RSF1: variants seen among roughly 807,000 people sequenced by gnomAD.
The protein encoded by RSF1 is remodeling and spacing factor 1, also known as HBV pX-associated protein 8.
Under a neutral mutation model 145.2 loss-of-function variants are expected in RSF1, and 13 were observed. That is an observed-to-expected ratio of 0.09 (90% CI 0.06 to 0.14). RSF1 has a LOEUF of 0.14. Among genes scored for constraint, RSF1 ranks in the 10% least tolerant of loss-of-function variants. The pLI is 1.00. For synonymous variants in RSF1, 577 were observed against 592.6 expected (o/e 0.97, Z 0.38); for missense variants, 1,517 against 1,718.2 (o/e 0.88, Z 2.07).
the RSF1 span, among the ~76,000 whole-genome samples, chr11:77,845,398 T>G: frequency 6.6e-6 from 1 of 152,098 alleles, no homozygotes; most frequent in Non-Finnish European, 1.5e-5. Context: ...TTTCCATCAT[T>G]GTACTTTCCA....
upstream of RSF1, chr11:77,820,987 C>A: frequency 2.0e-6 from 1 of 511,716 alleles, no homozygotes; most frequent in Non-Finnish European, 3.4e-6. Flanking sequence ...GGGCTTGCCA[C>A]TGCCTCGTGT....
At chr11:77,848,635 C>G in the RSF1 span, among the ~76,000 whole-genome samples, 1 of 152,156 alleles carries the variant, frequency 6.6e-6, no homozygotes, top group African/African-American at 2.4e-5. Flanking sequence ...GCTGGGATTA[C>G]AAGTGTGAGC....
At chr11:77,754,561 G>T (rs1253276367) in intron 2 of RSF1, among the ~76,000 whole-genome samples, 1 of 144,894 alleles carries the variant, frequency 6.9e-6, no homozygotes, top group Non-Finnish European at 1.5e-5. Flanking sequence ...GGGCAACATG[G>T]CAAAACCCTG....
At chr11:77,769,805 C>CGGCTAAACACT (rs1387654213) in intron 1 of RSF1, among the ~76,000 whole-genome samples, 1 of 152,206 alleles carries the variant, frequency 6.6e-6, no homozygotes, top group Non-Finnish European at 1.5e-5. Context: ...CACATTAATT[C>CGGCTAAACACT]TTATTCTTCA....
chr11:77,735,059 A>G, intron 4 of RSF1: 1 of 1,266,204 alleles, frequency 7.9e-7, no homozygotes, highest in South Asian at 1.2e-5. Flanking sequence ...CGGCGGTGGC[A>G]GTGGCTGCGT....
chr11:77,839,303 C>CT, the RSF1 span, among the ~76,000 whole-genome samples: 28 of 151,912 alleles, frequency 1.8e-4, no homozygotes, highest in African/African-American at 5.3e-4. Flanking sequence ...ACACACTTGG[C>CT]TTTTTTTTGT....
chr11:77,748,453 T>TA (rs920072772), intron 2 of RSF1, among the ~76,000 whole-genome samples: 13 of 152,036 alleles, frequency 8.6e-5, no homozygotes, highest in African/African-American at 3.1e-4. Context: ...ATGGACAGTT[T>TA]AAAGACTCAC....
intron 1 of RSF1, among the ~76,000 whole-genome samples, chr11:77,788,616 AT>A (rs1179440073): frequency 1.6e-4 from 25 of 152,122 alleles, no homozygotes; most frequent in African/African-American, 6.0e-4. Flanking sequence ...TATAATGAAA[AT>A]AACAGTCGTG....
intron 2 of RSF1, chr11:77,763,035 G>A (rs1377210365): frequency 6.6e-6 from 1 of 152,016 alleles, no homozygotes; most frequent in Admixed American, 6.6e-5. Context: ...ATCTAATACT[G>A]ATGCATAAAA....
chr11:77,734,668 T>C, intron 4 of RSF1: 2 of 1,413,516 alleles, frequency 1.4e-6, no homozygotes, highest in East Asian at 2.3e-5. Flanking sequence ...AGTGGCCAAT[T>C]TGTGCAGTTC....
intron 11 of RSF1, among the ~76,000 whole-genome samples, chr11:77,678,844 A>G (rs570449021): frequency 1.3e-5 from 2 of 152,314 alleles, no homozygotes; most frequent in East Asian, 3.9e-4. Flanking sequence ...TGAACCAGAA[A>G]GCAGGCCCTC....
chr11:77,775,775 T>C (rs1258449003), intron 1 of RSF1, among the ~76,000 whole-genome samples: 3 of 152,086 alleles, frequency 2.0e-5, no homozygotes, highest in African/African-American at 2.4e-5. Flanking sequence ...TCTTTGTTTG[T>C]TTGTTTGTTT....
At chr11:77,869,284 C>T in the RSF1 span, 2 of 170,822 alleles carry the variant, frequency 1.2e-5, no homozygotes, top group Admixed American at 6.3e-5. Flanking sequence ...TGCCTTGTTT[C>T]CCGGATTTCG....
Position 77,693,627 on chromosome 11 carries a change from T to A in RSF1, c.2716-16A>T. 1.3e-6 allele frequency: 2 copies of A among 1,576,166 alleles called. No homozygotes were observed. The highest frequency in any genetic ancestry group is 1.1e-5 in the South Asian group (1 of 89,648). On this transcript the variant is annotated splice_polypyrimidine_tract_variant and intron_variant, in intron 7 of 15. Transcript: ENST00000308488. ...ACAGAAGAATCTGAAATAACCACAC[T>A]GATGTCAACCTAACTATGACTAAAA...
chr11:77,848,847 G>A, the RSF1 span, among the ~76,000 whole-genome samples: 1 of 152,164 alleles, frequency 6.6e-6, no homozygotes, highest in African/African-American at 2.4e-5. Context: ...GTGCAGGGTT[G>A]TAATCATAGC....
chr11:77,677,465 G>C (rs191530849), intron 12 of RSF1, among the ~76,000 whole-genome samples: 4 of 152,294 alleles, frequency 2.6e-5, no homozygotes, highest in African/African-American at 9.6e-5. Flanking sequence ...AACAGTGTTT[G>C]CAGGACAGAA....
intron 4 of RSF1, chr11:77,734,610 C>G (rs1961292988): frequency 6.6e-7 from 1 of 1,526,000 alleles, no homozygotes; most frequent in East Asian, 2.2e-5. Flanking sequence ...CCTGCTCATT[C>G]AGGTAATGTG....
chr11:77,667,107 G>C lies in RSF1; in HGVS notation c.4136C>G (p.Ala1379Gly), dbSNP rs1959382393. ...PSTNGQSPGK[A>G]IENLIGKPTE... ...AGGCTTGCCAATCAAGTTCTCAATG[G>C]CTTTGCCAGGGCTCTGTCCATTGGT... Residue 1379 changes from alanine (A) to glycine (G), a missense_variant, in exon 16 of 16, where the codon GCC becomes GGC. By Grantham distance (60) the Ala-to-Gly change is moderately conservative. Transcript: ENST00000308488. The C allele has an allele frequency of 6.2e-7, 1 of 1,614,052 alleles. No individual in the cohort carries two copies. Among genetic ancestry groups the C allele is most frequent in the Admixed American group, 1.7e-5 (1 of 60,004 alleles).
chr11:77,745,881 A>G (rs1947994260), intron 3 of RSF1, among the ~76,000 whole-genome samples: 1 of 151,868 alleles, frequency 6.6e-6, no homozygotes, highest in Non-Finnish European at 1.5e-5. Flanking sequence ...AACATTTTTG[A>G]TCAAGCATCC....
Sources: gnomAD v4.1 joint callset for allele counts (sites outside exome capture counted in the v4.1 genomes callset) on GRCh38, gnomAD v4.1.1 for gene constraint, MANE v1.5 for transcripts, NCBI Gene and HGNC (gene_info 2026-07-23, HGNC 2026-07-21) for gene names.